NEDD4L: variants seen among roughly 807,000 people sequenced by gnomAD.
NEDD4L encodes NEDD4 like E3 ubiquitin protein ligase.
NEDD4L carries 54 observed loss-of-function variants against 148.9 expected under a neutral mutation model. That is an observed-to-expected ratio of 0.36 (90% CI 0.29 to 0.45). The LOEUF (loss-of-function observed/expected upper bound fraction) is 0.45, where lower values mean the gene tolerates loss of function less well. Among genes scored for constraint, NEDD4L ranks in the 20% least tolerant of loss-of-function variants. NEDD4L has a pLI of 1.00. For missense variants in NEDD4L, 856 were observed against 1,233.8 expected (o/e 0.69, Z 4.59); for synonymous variants, 433 against 440.7 (o/e 0.98, Z 0.22).
At chr18:58,348,664 C>A (rs1408707255) in intron 16 of NEDD4L, among the ~76,000 whole-genome samples, 1 of 152,112 alleles carries the variant, frequency 6.6e-6, no homozygotes, top group Admixed American at 6.5e-5. Context: ...CTCCTGGACT[C>A]TGGGTCATAA....
chr18:58,097,910 T>C (rs1299545707), intron 1 of NEDD4L, among the ~76,000 whole-genome samples: 1 of 152,022 alleles, frequency 6.6e-6, no homozygotes, highest in Non-Finnish European at 1.5e-5. Context: ...GAACCTATAG[T>C]CCCAGCAACT....
intron 1 of NEDD4L, among the ~76,000 whole-genome samples, chr18:58,104,112 C>T (rs73959490): frequency 0.016 from 2,420 of 152,280 alleles, 52 homozygotes; most frequent in African/African-American, 0.055. Context: ...GATATATCCA[C>T]GCACTGGAAT....
At chr18:58,224,770 G>T (rs970325665) in intron 2 of NEDD4L, among the ~76,000 whole-genome samples, 1 of 152,178 alleles carries the variant, frequency 6.6e-6, no homozygotes, top group South Asian at 2.1e-4. Flanking sequence ...GACATTGAGG[G>T]GCACTCCTTC....
At chr18:58,051,085 C>A (rs1339179388) in intron 1 of NEDD4L, among the ~76,000 whole-genome samples, 1 of 152,112 alleles carries the variant, frequency 6.6e-6, no homozygotes, top group Non-Finnish European at 1.5e-5. Flanking sequence ...GGTGAAACCC[C>A]ACCTCTACAA....
intron 24 of NEDD4L, among the ~76,000 whole-genome samples, chr18:58,383,022 C>T (rs1199543351): frequency 6.6e-6 from 1 of 152,138 alleles, no homozygotes; most frequent in Non-Finnish European, 1.5e-5. Flanking sequence ...AATTAAAAGT[C>T]ATAAATAACC....
intron 1 of NEDD4L, among the ~76,000 whole-genome samples, chr18:58,106,522 G>A (rs549376016): frequency 3.8e-4 from 58 of 152,222 alleles, no homozygotes; most frequent in African/African-American, 1.1e-3. Flanking sequence ...AAGGGGGGCC[G>A]GTTCCCATAC....
intron 1 of NEDD4L, among the ~76,000 whole-genome samples, chr18:58,122,369 G>A (rs989754508): frequency 6.6e-6 from 1 of 152,068 alleles, no homozygotes; most frequent in Non-Finnish European, 1.5e-5. Context: ...GTGTGGTGGC[G>A]GGCGCCTGTA....
intron 1 of NEDD4L, among the ~76,000 whole-genome samples, chr18:58,111,172 A>G (rs775875910): frequency 6.6e-6 from 1 of 152,278 alleles, no homozygotes; most frequent in East Asian, 1.9e-4. Flanking sequence ...CGTTCAAGCA[A>G]TTCTCCTGGC....
intron 2 of NEDD4L, among the ~76,000 whole-genome samples, chr18:58,207,826 T>C (rs564764658): frequency 3.8e-4 from 58 of 152,222 alleles, no homozygotes; most frequent in African/African-American, 1.2e-3. Flanking sequence ...AAAGTTGACA[T>C]AACTTAAAGA....
chr18:58,295,535 G>A (rs528032938), intron 5 of NEDD4L, among the ~76,000 whole-genome samples: 17 of 152,108 alleles, frequency 1.1e-4, no homozygotes, highest in Non-Finnish European at 2.2e-4. Flanking sequence ...GGACAGCTGG[G>A]TTTTGGCAAT....
At chr18:58,210,553 C>T (rs1244296270) in intron 2 of NEDD4L, among the ~76,000 whole-genome samples, 1 of 152,046 alleles carries the variant, frequency 6.6e-6, no homozygotes, top group Non-Finnish European at 1.5e-5. Flanking sequence ...GGTTCAGGTG[C>T]TTCTCCTGCC....
chr18:58,344,242 G>A (rs1024001721), intron 16 of NEDD4L, among the ~76,000 whole-genome samples: 14 of 152,206 alleles, frequency 9.2e-5, no homozygotes, highest in African/African-American at 3.4e-4. Context: ...GTCATTTTAT[G>A]CCTTGCCCAT....
At chr18:58,151,172 G>A (rs1285786451) in intron 1 of NEDD4L, among the ~76,000 whole-genome samples, 6 of 152,146 alleles carry the variant, frequency 3.9e-5, no homozygotes, top group Non-Finnish European at 1.5e-5. Context: ...TATGCCTATA[G>A]ACGGGTCTGT....
intron 1 of NEDD4L, among the ~76,000 whole-genome samples, chr18:58,096,416 A>G (rs1011147926): frequency 9.2e-5 from 9 of 97,948 alleles, no homozygotes; most frequent in Non-Finnish European, 1.5e-4. Context: ...ATTTTATTTT[A>G]TTTATTTGAC....
intron 1 of NEDD4L, among the ~76,000 whole-genome samples, chr18:58,135,715 T>G: frequency 6.6e-6 from 1 of 152,362 alleles, no homozygotes; most frequent in African/African-American, 2.4e-5. Flanking sequence ...TCTTCATTGG[T>G]ATTCCTGGTA....
rs371717098 is a variant in NEDD4L at position 58,368,075 on chromosome 18, G to GT, written c.2185+217dup. ...TGTCTACACACAGTTAAAAACAAAA[G>GT]TTTTTTTTTAACTTCAGTGTAAAAC... On this transcript the variant is annotated intron_variant, in intron 22 of 30. Transcript: ENST00000400345. 4.0e-4 allele frequency among the ~76,000 whole-genome samples: 61 copies of GT among 151,458 alleles called. 1 individual carries two copies. Among genetic ancestry groups the GT allele is most frequent in the African/African-American group, 1.1e-3 (47 of 41,306 alleles).
At chr18:58,258,566 A>T (rs1278475736) in intron 5 of NEDD4L, among the ~76,000 whole-genome samples, 1 of 152,218 alleles carries the variant, frequency 6.6e-6, no homozygotes, top group South Asian at 2.1e-4. Context: ...GGCTATTCTA[A>T]CTTGCAAGGC....
intron 5 of NEDD4L, chr18:58,314,484 G>A (rs943201097): frequency 5.3e-5 from 8 of 151,942 alleles, no homozygotes; most frequent in Non-Finnish European, 1.2e-4. Flanking sequence ...CTAATTCCTT[G>A]TGTAACTGTC....
intron 6 of NEDD4L, among the ~76,000 whole-genome samples, chr18:58,318,160 C>G (rs1010095157): frequency 2.0e-5 from 3 of 152,066 alleles, no homozygotes; most frequent in African/African-American, 7.3e-5. Flanking sequence ...TTTTGTGGAT[C>G]GAATTATGGA....
Sources: allele counts gnomAD v4.1 joint callset (sites outside exome capture counted in the v4.1 genomes callset), GRCh38; gene constraint gnomAD v4.1.1; transcripts MANE v1.5; gene names NCBI Gene and HGNC (gene_info 2026-07-23, HGNC 2026-07-21).